FOCAD: variants seen among roughly 807,000 people sequenced by gnomAD.
FOCAD encodes the protein focadhesin, also known as KIAA1797.
FOCAD carries 198 observed loss-of-function variants against 225.6 expected under a neutral mutation model. The observed-to-expected ratio is 0.88, with a 90% CI of 0.78 to 0.99. The LOEUF is 0.99. Ranked by LOEUF, FOCAD falls within the 50% of genes least tolerant of loss-of-function variation. The pLI is 0.00. For synonymous variants in FOCAD, 897 were observed against 755.0 expected (o/e 1.19, Z -3.08); for missense variants, 2,713 against 2,123.6 (o/e 1.28, Z -5.46).
At chr9:20,814,196 G>C (rs1398458036) in intron 11 of FOCAD, among the ~76,000 whole-genome samples, 1 of 152,092 alleles carries the variant, frequency 6.6e-6, no homozygotes, top group Non-Finnish European at 1.5e-5. Flanking sequence ...AAAGTACTTA[G>C]TGGTAGGAAA....
chr9:20,793,725 G>T (rs1201145510), intron 11 of FOCAD, among the ~76,000 whole-genome samples: 1 of 152,142 alleles, frequency 6.6e-6, no homozygotes, highest in African/African-American at 2.4e-5. Context: ...CAGTAGGTTT[G>T]CTTCTGGTTA....
chr9:20,750,966 T>G (rs1472683254), intron 5 of FOCAD, among the ~76,000 whole-genome samples: 1 of 152,122 alleles, frequency 6.6e-6, no homozygotes, highest in East Asian at 1.9e-4. Flanking sequence ...TTATACAGTA[T>G]TCGCTCTGGA....
At chr9:20,919,660 T>A (rs1377022159) in intron 24 of FOCAD, among the ~76,000 whole-genome samples, 2 of 152,126 alleles carry the variant, frequency 1.3e-5, no homozygotes, top group Non-Finnish European at 2.9e-5. Context: ...TAACACCGCA[T>A]ATCTACAACT....
chr9:20,831,808 T>G (rs1437832788), intron 15 of FOCAD, among the ~76,000 whole-genome samples: 1 of 152,074 alleles, frequency 6.6e-6, no homozygotes. Context: ...TTTAGAACAT[T>G]TTCATTACCT....
intron 14 of FOCAD, 142 bp from the exon 15 acceptor site, chr9:20,822,847 A>G: frequency 3.4e-6 from 2 of 595,598 alleles, no homozygotes; most frequent in Non-Finnish European, 5.1e-6. Context: ...TGAAGAAAAA[A>G]CATGGTGTTA....
intron 1 of FOCAD, among the ~76,000 whole-genome samples, chr9:20,708,836 G>GAGCC (rs1439476610): frequency 2.0e-5 from 3 of 151,774 alleles, no homozygotes; most frequent in African/African-American, 7.3e-5. Flanking sequence ...GACTGCCCTT[G>GAGCC]AGCCGTTCCT....
chr9:20,672,590 A>G (rs185249183), intron 2 of FOCAD, among the ~76,000 whole-genome samples: 12 of 152,294 alleles, frequency 7.9e-5, no homozygotes, highest in Admixed American at 7.8e-4. Flanking sequence ...AGCTGGGACA[A>G]CAGGTGCCCG....
At chr9:20,980,581 A>C (rs1400973112) in intron 37 of FOCAD, among the ~76,000 whole-genome samples, 1 of 152,222 alleles carries the variant, frequency 6.6e-6, no homozygotes, top group African/African-American at 2.4e-5. Context: ...GGTCTTGAGA[A>C]AACTCATGCA....
intron 18 of FOCAD, among the ~76,000 whole-genome samples, chr9:20,869,983 C>A (rs899508573): frequency 2.0e-5 from 3 of 152,058 alleles, no homozygotes; most frequent in Non-Finnish European, 4.4e-5. Flanking sequence ...AAGCTAGTTA[C>A]ACTTCCCCTG....
At chr9:20,953,127 T>C in intron 35 of FOCAD, 62 bp downstream of exon 35, 1 of 1,367,280 alleles carries the variant, frequency 7.3e-7, no homozygotes, top group Non-Finnish European at 1.0e-6. Flanking sequence ...AGTAAATTTG[T>C]GTACCCTAAG....
At chr9:20,907,391 A>T (rs1007553926) in intron 22 of FOCAD, 149 bp downstream of exon 22, 2 of 662,826 alleles carry the variant, frequency 3.0e-6, no homozygotes, top group Admixed American at 4.7e-5. Flanking sequence ...AATGTGAGGC[A>T]TATATATATA....
At chr9:20,874,548 A>T in intron 18 of FOCAD, 133 bp from the exon 19 acceptor site, 1 of 796,774 alleles carries the variant, frequency 1.3e-6, no homozygotes, top group South Asian at 2.0e-5. Flanking sequence ...AATTAATTTC[A>T]GTGGTCTTTT....
chr9:20,951,956 T>C (rs1267926094), intron 34 of FOCAD, among the ~76,000 whole-genome samples: 1 of 152,190 alleles, frequency 6.6e-6, no homozygotes, highest in Non-Finnish European at 1.5e-5. Context: ...CCTCTGAAAT[T>C]ACCATTTTCC....
intron 15 of FOCAD, among the ~76,000 whole-genome samples, chr9:20,838,043 C>T (rs1454076143): frequency 1.3e-5 from 2 of 152,046 alleles, no homozygotes; most frequent in Admixed American, 1.3e-4. Flanking sequence ...TATCAGAAAG[C>T]CTCACTAGCA....
In FOCAD at chr9:20,720,537, A is replaced by G; in HGVS notation, c.287+3A>G. ...CTCAACTTGATTCCATCAACCAGGT[A>G]CTTTTTCCTCAGTGTTTGGTCAGTT... On this transcript the variant is annotated splice_donor_region_variant and intron_variant, in intron 4 of 43. Transcript: ENST00000338382. 6.2e-7 allele frequency: 1 copy of G among 1,613,504 alleles called. No individual in the cohort carries two copies. Among genetic ancestry groups the G allele is most frequent in the South Asian group, 1.1e-5 (1 of 91,004 alleles).
Position 20,866,917 on chromosome 9 carries a change from T to TTTTTTTTTTTA in FOCAD, c.2107-12_2107-11insTTTTTTTTTTA. ...TTTTTTTTTTTTTTTTTTTTTTTTT[T>TTTTTTTTTTTA]ACCCTATCTAGGACCCAATTGTAGC... On this transcript the variant is annotated splice_polypyrimidine_tract_variant and intron_variant, in intron 17 of 43. Transcript: ENST00000338382. 6 of 764,970 alleles carry TTTTTTTTTTTA rather than the reference T, an allele frequency of 7.8e-6. No individual in the cohort carries two copies. The highest frequency in any genetic ancestry group is 2.0e-5 in the African/African-American group (1 of 48,872). 47.4% of individuals were successfully genotyped at this position (764,970 alleles called of 1,614,324 possible).
At chr9:20,968,226 C>T in intron 35 of FOCAD, among the ~76,000 whole-genome samples, 1 of 151,986 alleles carries the variant, frequency 6.6e-6, no homozygotes, top group Non-Finnish European at 1.5e-5. Flanking sequence ...TCTAGATTAT[C>T]TAATCTGTTG....
At chr9:20,827,695 G>C (rs1301845329) in intron 15 of FOCAD, among the ~76,000 whole-genome samples, 1 of 151,940 alleles carries the variant, frequency 6.6e-6, no homozygotes, top group African/African-American at 2.4e-5. Flanking sequence ...TAAAGAAAGA[G>C]CTCCGATACA....
Position 20,778,681 on chromosome 9 carries a change from G to C in FOCAD, c.907G>C (p.Asp303His). ...LEHSVELLKE[D>H]FPVELVIIGI... is the part of the protein sequence containing the mutation. Reference sequence around the variant, plus strand: ...CCTTTTTCCCCCTCTATTCTTTTAGGATTTTCCTGTTGAACTGGTCATAAT... The same window carrying C: ...CCTTTTTCCCCCTCTATTCTTTTAGCATTTTCCTGTTGAACTGGTCATAAT... The change falls in exon 9 of 44, where the codon GAT (aspartate) becomes CAT (histidine). Residue 303 changes from aspartate to histidine, a missense_variant and splice_region_variant. By Grantham distance (81) the Asp-to-His change is moderately conservative (BLOSUM62 -1). Transcript: ENST00000338382. 1.3e-6 allele frequency: 2 copies of C among 1,597,340 alleles called. No individual in the cohort carries two copies. The highest frequency in any genetic ancestry group is 1.7e-6 in the Non-Finnish European group (2 of 1,165,874).
Sources: gnomAD v4.1 joint callset for allele counts (sites outside exome capture counted in the v4.1 genomes callset) on GRCh38, gnomAD v4.1.1 for gene constraint, MANE v1.5 for transcripts, NCBI Gene and HGNC (gene_info 2026-07-23, HGNC 2026-07-21) for gene names.